Variants in PRTN3 observed in about 807,000 individuals in gnomAD.
PRTN3 encodes myeloblastin.
A neutral mutation model predicts 20.7 loss-of-function variants in PRTN3; 22 were observed. The ratio of observed to expected loss-of-function variants is 1.06; its 90% confidence interval spans 0.76 to 1.52. PRTN3 has a LOEUF of 1.52. Among genes scored for constraint, PRTN3 ranks in the 40% most tolerant of loss-of-function variants. PRTN3 has a pLI of 0.00. For missense variants in PRTN3, 378 were observed against 359.6 expected (o/e 1.05, Z -0.41); for synonymous variants, 173 against 152.9 (o/e 1.13, Z -0.97).
intron 1 of PRTN3, among the ~76,000 whole-genome samples, chr19:842,412 G>GGT (rs2035457143): frequency 2.6e-5 from 2 of 77,376 alleles, no homozygotes; most frequent in Non-Finnish European, 4.8e-5. Context: ...CTGCGCCCAG[G>GGT]ATTTTTTTTT....
chr19:842,102 T>C (rs935527771), intron 1 of PRTN3, among the ~76,000 whole-genome samples: 7 of 151,694 alleles, frequency 4.6e-5, no homozygotes, highest in African/African-American at 1.7e-4. Flanking sequence ...CTCAGTTTAC[T>C]GCAGCCTCAG....
Position 843,875 on chromosome 19 carries a change from A to C in PRTN3, c.228-18A>C. The C allele has an allele frequency of 6.4e-7, 1 of 1,573,432 alleles. No homozygotes were observed. The highest frequency in any genetic ancestry group is 8.6e-7 in the Non-Finnish European group (1 of 1,162,094). ...CGAGTGTCCAGGGCGCCGAGGAGTG[A>C]CCACCCCACCCCCGCAGACCCCAGC... On this transcript the variant is annotated intron_variant, in intron 2 of 4. Coordinates refer to ENST00000234347, the MANE Select transcript of PRTN3 (RefSeq NM_002777.4).
chr19:848,021 C>T lies in PRTN3; in HGVS notation c.*52C>T, dbSNP rs367844365. 6 of 1,540,602 alleles carry T rather than the reference C, an allele frequency of 3.9e-6. No homozygotes were observed. The highest frequency in any genetic ancestry group is 3.5e-5 in the South Asian group (3 of 84,724). The stretch of plus-strand genomic sequence containing the variant: ...GACCCCGAGCCTGGCTCCAAACCCT[C>T]GAGGCGGATCTTTGGACAGAAGCAG... On this transcript the variant is annotated 3_prime_UTR_variant, in exon 5 of 5. Transcript: ENST00000234347.
chr19:846,419 A>AG (rs1446589688), intron 4 of PRTN3, 42 bp downstream of exon 4: 1 of 1,527,336 alleles, frequency 6.5e-7, no homozygotes, highest in African/African-American at 1.4e-5. Flanking sequence ...GGCTGCCATG[A>AG]GGGGAGGAGG....
chr19:843,062 ACAC>A (rs1200321042), intron 1 of PRTN3, among the ~76,000 whole-genome samples: 1 of 152,064 alleles, frequency 6.6e-6, no homozygotes, highest in East Asian at 1.9e-4. Context: ...CGACAGGTGC[ACAC>A]CACCATGCCT....
chr19:847,961 C>T lies in PRTN3; in HGVS notation c.763C>T (p.Arg255Cys), dbSNP rs756064884. 1.3e-5 allele frequency: 21 copies of T among 1,599,472 alleles called. No individual in the cohort carries two copies. Among genetic ancestry groups the T allele is most frequent in the East Asian group, 2.2e-5 (1 of 44,484 alleles). The change falls in exon 5 of 5, where the codon CGC (arginine) becomes TGC (cysteine). Residue 255 changes from arginine to cysteine, a missense_variant. Arg to Cys is a radical substitution (Grantham distance 180, BLOSUM62 -3). Transcript: ENST00000234347. Reference protein sequence around the residue: ...STLRRVEAKGRP With the variant: ...STLRRVEAKGCP Reference sequence around the variant, plus strand: ...GCTGCGCCGTGTGGAGGCCAAGGGCCGCCCCTGAACCGCCCCTCCCACAGC... The same window carrying T: ...GCTGCGCCGTGTGGAGGCCAAGGGCTGCCCCTGAACCGCCCCTCCCACAGC...
chr19:841,362 A>G (rs1008140863), intron 1 of PRTN3, among the ~76,000 whole-genome samples: 3 of 152,262 alleles, frequency 2.0e-5, no homozygotes, highest in Non-Finnish European at 2.9e-5. Flanking sequence ...GAATTCCTGG[A>G]CAGCACCCAG....
intron 4 of PRTN3, 126 bp downstream of exon 4, chr19:846,503 G>A (rs2035518862): frequency 9.7e-7 from 1 of 1,026,182 alleles, no homozygotes. Context: ...CACCTGGAAG[G>A]TGGGCACACC....
At chr19:844,274 T>A (rs1156616188) in intron 3 of PRTN3, among the ~76,000 whole-genome samples, 1 of 17,116 alleles carries the variant, frequency 5.8e-5, no homozygotes, top group Non-Finnish European at 1.0e-4. Flanking sequence ...CCTGCGCGCC[T>A]CTCCCCCGCC....
At chr19:843,304 C>T (rs1568298966) in intron 1 of PRTN3, 157 bp from the exon 2 acceptor site, 3 of 709,782 alleles carry the variant, frequency 4.2e-6, no homozygotes, top group South Asian at 2.0e-5. Flanking sequence ...ATTATAACCC[C>T]CCCGGCCTGG....
At chr19:842,606 T>TTTTTTTTTTTTGG (rs2035460969) in intron 1 of PRTN3, among the ~76,000 whole-genome samples, 1 of 141,410 alleles carries the variant, frequency 7.1e-6, no homozygotes, top group Non-Finnish European at 1.5e-5. Flanking sequence ...TTTTTTTTTT[T>TTTTTTTTTTTTGG]GAGACGGAGT....
At chr19:842,672 C>T (rs1415188076) in intron 1 of PRTN3, among the ~76,000 whole-genome samples, 1 of 145,630 alleles carries the variant, frequency 6.9e-6, no homozygotes, top group East Asian at 2.0e-4. Flanking sequence ...ACCACAACCT[C>T]CGCTTCCTGG....
chr19:841,731 C>CT (rs555166102), intron 1 of PRTN3, among the ~76,000 whole-genome samples: 53,873 of 129,776 alleles, frequency 0.42, 11,761 homozygotes, highest in Admixed American at 0.51. Flanking sequence ...TTTTCTTTTT[C>CT]TTTTTTTTTT....
intron 4 of PRTN3, among the ~76,000 whole-genome samples, chr19:847,361 C>G (rs1245783004): frequency 6.6e-6 from 1 of 151,224 alleles, no homozygotes; most frequent in Non-Finnish European, 1.5e-5. Context: ...CACTTGAACC[C>G]GGGAGGCAGA....
chr19:841,533 T>C (rs1156341387), intron 1 of PRTN3, among the ~76,000 whole-genome samples: 5 of 120,040 alleles, frequency 4.2e-5, no homozygotes, highest in Non-Finnish European at 7.0e-5. Flanking sequence ...AGTGAATGAA[T>C]CAATGAGTGA....
rs368260683 is a variant in PRTN3, at chr19:846,221, C to T, written c.444C>T (p.His148=). 4.1e-5 allele frequency: 64 copies of T among 1,548,192 alleles called. No individual in the cohort carries two copies. The highest frequency in any genetic ancestry group is 4.8e-5 in the Non-Finnish European group (55 of 1,146,114). Residue 148 remains histidine, a synonymous_variant, in exon 4 of 5, where the codon CAC becomes CAT. Transcript: ENST00000234347. ...CACAGCAGGACCAGCCAGTGCCCCA[C>T]GGCACCCAGTGCCTGGCCATGGGCT... is the stretch of plus-strand genomic sequence containing the variant. ...QLPQQDQPVP[H]GTQCLAMGWG...
intron 1 of PRTN3, among the ~76,000 whole-genome samples, chr19:842,826 G>A (rs2035463281): frequency 6.6e-6 from 1 of 152,112 alleles, no homozygotes; most frequent in Non-Finnish European, 1.5e-5. Context: ...GACCTCAGGT[G>A]ATCCACCCAC....
In PRTN3 at chr19:842,586, ATT is replaced by A. The variant is rs71174326; in HGVS notation, c.62-856_62-855del. Among the ~76,000 whole-genome samples, 199 of 65,458 alleles carry A rather than the reference ATT, an allele frequency of 3.0e-3. 4 individuals carry two copies. The highest frequency in any genetic ancestry group is 8.7e-3 in the South Asian group (17 of 1,952). The allele number at this position is 65,458 out of a possible 152,430, so 42.9% of individuals were successfully genotyped here. On this transcript the variant is annotated intron_variant, in intron 1 of 4. Transcript: ENST00000234347. The stretch of plus-strand genomic sequence containing the variant: ...AGGTGCGAACCACCACACCTGGCTA[ATT>A]TTTTTTTTTTTTTTTTTTGAGACGG...
intron 1 of PRTN3, among the ~76,000 whole-genome samples, chr19:841,404 A>C (rs1415131755): frequency 6.6e-6 from 1 of 152,194 alleles, no homozygotes; most frequent in Admixed American, 6.5e-5. Flanking sequence ...ATATGCATGA[A>C]TGAATGAATG....
Sources: gnomAD v4.1 joint callset for allele counts (sites outside exome capture counted in the v4.1 genomes callset) on GRCh38, gnomAD v4.1.1 for gene constraint, MANE v1.5 for transcripts, NCBI Gene and HGNC (gene_info 2026-07-23, HGNC 2026-07-21) for gene names.